FANCD2: variants seen among roughly 807,000 people sequenced by gnomAD.
FANCD2 encodes Fanconi anemia group D2 protein.
In FANCD2, 131 loss-of-function variants were observed where a neutral mutation model predicts 192.3. That is an observed-to-expected ratio of 0.68 (90% CI 0.59 to 0.79). The LOEUF (loss-of-function observed/expected upper bound fraction) is 0.79, where lower values mean the gene tolerates loss of function less well. FANCD2 is among the 30% of genes least tolerant of loss of function. FANCD2 has a pLI of 0.00. For synonymous variants in FANCD2, 524 were observed against 612.5 expected, an observed-to-expected ratio of 0.86 and a Z score of 2.13; for missense variants, 1,508 against 1,701.6, an observed-to-expected ratio of 0.89 and a Z score of 2.00.
Position 10,101,567 on chromosome 3 carries a change from G to A in FANCD2, c.*305G>A. 2.4e-6 allele frequency: 1 copy of A among 409,060 alleles called. No individual in the cohort carries two copies. The highest frequency in any genetic ancestry group is 4.6e-6 in the Non-Finnish European group (1 of 218,846). 25.3% of individuals were successfully genotyped at this position (409,060 alleles called of 1,614,324 possible). On this transcript the variant is annotated 3_prime_UTR_variant, in exon 44 of 44. Transcript: ENST00000675286. Reference sequence around the variant, plus strand: ...TGCCCAGCTAATTTTTGTATTTTTAGTAGATACGGGGTTTTACCATGTCGG... The same window carrying A: ...TGCCCAGCTAATTTTTGTATTTTTAATAGATACGGGGTTTTACCATGTCGG...
chr3:10,076,844 T>C (rs2125052996), intron 29 of FANCD2, among the ~76,000 whole-genome samples: 1 of 152,224 alleles, frequency 6.6e-6, no homozygotes, highest in Middle Eastern at 3.4e-3. Context: ...TTCTGCCTCC[T>C]GAGCTCAAGC....
intron 17 of FANCD2, among the ~76,000 whole-genome samples, chr3:10,050,244 G>A (rs34610029): frequency 6.6e-6 from 1 of 152,162 alleles, no homozygotes; most frequent in Non-Finnish European, 1.5e-5. Flanking sequence ...GAGAGTAAGG[G>A]CCAGATTTTG....
intron 42 of FANCD2, among the ~76,000 whole-genome samples, chr3:10,097,139 G>T (rs959307128): frequency 1.3e-5 from 2 of 152,166 alleles, no homozygotes; most frequent in Non-Finnish European, 2.9e-5. Context: ...ACTTAACAGG[G>T]TAATAGAATA....
At chr3:10,064,540 C>T (rs1315765136) in intron 22 of FANCD2, 111 bp downstream of exon 22, 4 of 1,285,780 alleles carry the variant, frequency 3.1e-6, no homozygotes, top group Non-Finnish European at 4.5e-6. Context: ...GCTGCCCAGT[C>T]CCACAGCTTC....
chr3:10,041,573 A>G, intron 9 of FANCD2, 50 bp from the exon 10 acceptor site: 1 of 1,226,854 alleles, frequency 8.2e-7, no homozygotes, highest in Non-Finnish European at 1.2e-6. Context: ...TTGTCTGCCC[A>G]GCTCTGTTCA....
chr3:10,088,413 C>T (rs754341039), intron 34 of FANCD2, 36 bp from the exon 35 acceptor site: 2 of 1,241,278 alleles, frequency 1.6e-6, no homozygotes, highest in East Asian at 2.3e-5. Context: ...GGTCAAGTTC[C>T]CATATGTAAG....
At chr3:10,043,997 A>G in intron 14 of FANCD2, 133 bp downstream of exon 14, 1 of 745,170 alleles carries the variant, frequency 1.3e-6, no homozygotes, top group Non-Finnish European at 2.3e-6. Flanking sequence ...TGCTCTAATA[A>G]ACATTAGCTG....
chr3:10,033,770 T>G (rs912989650), intron 3 of FANCD2, among the ~76,000 whole-genome samples: 15 of 81,650 alleles, frequency 1.8e-4, no homozygotes, highest in African/African-American at 8.5e-4. Context: ...GCGCGATCTC[T>G]GCTCACTGCA....
chr3:10,032,487 G>C, intron 2 of FANCD2: 1 of 245,428 alleles, frequency 4.1e-6, no homozygotes, highest in Non-Finnish European at 7.4e-6. Context: ...AAGGGGGGGA[G>C]ATGGGGGGGT....
chr3:10,052,125 G>C (rs2087237026), intron 17 of FANCD2, among the ~76,000 whole-genome samples: 1 of 152,144 alleles, frequency 6.6e-6, no homozygotes, highest in South Asian at 2.1e-4. Flanking sequence ...AAAACTTTAT[G>C]TTTCCTGATA....
At chr3:10,075,246 G>A (rs1399122676) in intron 29 of FANCD2, among the ~76,000 whole-genome samples, 2 of 151,192 alleles carry the variant, frequency 1.3e-5, no homozygotes, top group Admixed American at 6.6e-5. Context: ...GCAGTGGCGC[G>A]GATCTCCACT....
At chr3:10,031,703 C>G (rs1475037529) in intron 2 of FANCD2, among the ~76,000 whole-genome samples, 2 of 152,084 alleles carry the variant, frequency 1.3e-5, no homozygotes, top group African/African-American at 4.8e-5. Flanking sequence ...AGAACCTTCC[C>G]CATTCTGTCT....
chr3:10,074,466 T>C (rs1693423870), intron 28 of FANCD2, 64 bp from the exon 29 acceptor site: 2 of 1,440,854 alleles, frequency 1.4e-6, no homozygotes, highest in African/African-American at 1.4e-5. Flanking sequence ...TTTGAAGTTT[T>C]TATTAAAATT....
intron 39 of FANCD2, 36 bp downstream of exon 39, chr3:10,093,359 C>T (rs374194873): frequency 7.1e-6 from 11 of 1,550,792 alleles, no homozygotes; most frequent in Non-Finnish European, 9.8e-6. Context: ...CATATTTATT[C>T]TTCCTGTGGA....
Position 10,039,729 on chromosome 3 carries a change from C to G in FANCD2, c.579C>G (p.Thr193=). The G allele has an allele frequency of 6.2e-7, 1 of 1,614,014 alleles. No homozygotes were observed. The highest frequency in any genetic ancestry group is 8.5e-7 in the Non-Finnish European group (1 of 1,180,016). The part of the protein sequence containing the change: ...LDRVVDGKDL[T]TKIMQLISIA... Reference sequence around the variant, plus strand: ...AGTGTCTTCTACTGCAGGACCTCACCACCAAGATCATGCAGCTGATCAGTA... The same window carrying G: ...AGTGTCTTCTACTGCAGGACCTCACGACCAAGATCATGCAGCTGATCAGTA... The change falls in exon 9 of 44, where the codon ACC becomes ACG. Residue 193 remains threonine, a synonymous_variant. Transcript: ENST00000675286.
intron 30 of FANCD2, among the ~76,000 whole-genome samples, chr3:10,079,498 G>GTT: frequency 6.6e-6 from 1 of 152,164 alleles, no homozygotes; most frequent in South Asian, 2.1e-4. Context: ...TAGAGATGGG[G>GTT]TTTTAACATG....
chr3:10,087,300 T>TG, intron 34 of FANCD2, 36 bp downstream of exon 34: 1 of 1,437,774 alleles, frequency 7.0e-7, no homozygotes, highest in South Asian at 1.2e-5. Context: ...TTTTTTTTTT[T>TG]AATGAATAGG....
chr3:10,092,046 T>C, intron 37 of FANCD2, 135 bp from the exon 38 acceptor site: 1 of 784,430 alleles, frequency 1.3e-6, no homozygotes, highest in Non-Finnish European at 2.3e-6. Context: ...GTGGATGCAC[T>C]GGTTGCTACA....
chr3:10,101,296 C>T lies in FANCD2; in HGVS notation c.*34C>T, dbSNP rs1212560706. 1.4e-6 allele frequency: 2 copies of T among 1,458,830 alleles called. No homozygotes were observed. The highest frequency in any genetic ancestry group is 1.7e-5 in the Admixed American group (1 of 59,720). The allele number at this position is 1,458,830 out of a possible 1,614,324, so 90.4% of individuals were successfully genotyped here. ...TAAATTGTTGCCTGCTTCTGTGTCT[C>T]TGCCAGCCTGTGATCATTTTGTGTT... On this transcript the variant is annotated 3_prime_UTR_variant, in exon 44 of 44. Transcript: ENST00000675286.
Sources: gnomAD v4.1 joint callset for allele counts (sites outside exome capture counted in the v4.1 genomes callset) on GRCh38, gnomAD v4.1.1 for gene constraint, MANE v1.5 for transcripts, NCBI Gene and HGNC (gene_info 2026-07-23, HGNC 2026-07-21) for gene names.